Variants in SORCS1 observed in about 807,000 individuals in gnomAD.
SORCS1 encodes the protein sortilin related VPS10 domain containing receptor 1.
SORCS1 carries 60 observed loss-of-function variants against 146.1 expected under a neutral mutation model. That is an observed-to-expected ratio of 0.41 (90% CI 0.33 to 0.51). The LOEUF (loss-of-function observed/expected upper bound fraction) is 0.51, where lower values mean the gene tolerates loss of function less well. Ranked by LOEUF, SORCS1 falls within the 20% of genes least tolerant of loss-of-function variation. The pLI is 0.21. For missense variants in SORCS1, 1,352 were observed against 1,487.6 expected, an observed-to-expected ratio of 0.91 and a Z score of 1.50; for synonymous variants, 637 against 584.0, an observed-to-expected ratio of 1.09 and a Z score of -1.31.
intron 2 of SORCS1, among the ~76,000 whole-genome samples, chr10:106,888,519 T>C (rs988567899): frequency 1.4e-4 from 21 of 152,214 alleles, no homozygotes; most frequent in Non-Finnish European, 2.9e-4. Context: ...AATAAATATT[T>C]CTTGAATGAA....
At chr10:106,685,452 C>A (rs1405612461) in intron 10 of SORCS1, among the ~76,000 whole-genome samples, 1 of 151,848 alleles carries the variant, frequency 6.6e-6, no homozygotes, top group African/African-American at 2.4e-5. Context: ...ACAATAAGGA[C>A]CATGAAGAAA....
At chr10:107,165,998 G>T (rs2249182), upstream of SORCS1, among the ~76,000 whole-genome samples, 1 of 152,076 alleles carries the variant, frequency 6.6e-6, no homozygotes, top group Admixed American at 6.5e-5. This position sits in a 1 kb window ranked among gnomAD's most constrained non-coding sequence, Gnocchi z 4.0. Context: ...AACGGCAAAG[G>T]ATTTCTCAAA....
At chr10:106,692,748 T>C (rs1173372953) in intron 9 of SORCS1, among the ~76,000 whole-genome samples, 1 of 152,154 alleles carries the variant, frequency 6.6e-6, no homozygotes, top group Non-Finnish European at 1.5e-5. Flanking sequence ...TGGAATGTTT[T>C]AAGCACTGAC....
At chr10:106,965,634 A>G (rs1955461328) in intron 1 of SORCS1, among the ~76,000 whole-genome samples, 2 of 152,214 alleles carry the variant, frequency 1.3e-5, no homozygotes, top group Admixed American at 6.5e-5. Context: ...GAAGCTAAGT[A>G]AGTTAAATTA....
rs113021477 is a variant in SORCS1, at chr10:107,069,533, G to A, written c.558+94436C>T. Among the ~76,000 whole-genome samples, 1,342 of 151,952 alleles carry A rather than the reference G, an allele frequency of 8.8e-3. 39 individuals carry two copies. Among genetic ancestry groups the A allele is most frequent in the African/African-American group, 0.03 (1,257 of 41,402 alleles). ...TGGGATTACAGGCACCCACCACCAC[G>A]CCTGGCTAATTTTTGTATTTTTGGT... On this transcript the variant is annotated intron_variant, in intron 1 of 25. Transcript: ENST00000263054.
chr10:106,684,794 T>C (rs1341022649), intron 10 of SORCS1, among the ~76,000 whole-genome samples: 4 of 152,226 alleles, frequency 2.6e-5, no homozygotes, highest in African/African-American at 4.8e-5. Flanking sequence ...GAAATCACTT[T>C]TTATCTCATC....
chr10:106,650,748 A>G (rs1849801601), intron 18 of SORCS1, among the ~76,000 whole-genome samples: 1 of 152,170 alleles, frequency 6.6e-6, no homozygotes. Flanking sequence ...TCTCGAAAGG[A>G]AAATATAGCA....
At chr10:106,813,436 CA>C (rs1296480983) in intron 3 of SORCS1, among the ~76,000 whole-genome samples, 1 of 152,090 alleles carries the variant, frequency 6.6e-6, no homozygotes, top group African/African-American at 2.4e-5. Context: ...CCCGGCCTGA[CA>C]GGCGCATTTC....
At chr10:107,080,437 T>A (rs571252513) in intron 1 of SORCS1, among the ~76,000 whole-genome samples, 131 of 152,252 alleles carry the variant, frequency 8.6e-4, no homozygotes, top group Middle Eastern at 3.4e-3. Context: ...TTAAAGACAA[T>A]TTTTGTCCTC....
At chr10:107,161,383 T>TA (rs1969692377) in intron 1 of SORCS1, among the ~76,000 whole-genome samples, 1 of 152,154 alleles carries the variant, frequency 6.6e-6, no homozygotes, top group East Asian at 1.9e-4. Context: ...TGTGAAAAGA[T>TA]AAGAGTCCCC....
intron 10 of SORCS1, among the ~76,000 whole-genome samples, chr10:106,683,838 T>C (rs1852620089): frequency 6.6e-6 from 1 of 152,204 alleles, no homozygotes. Context: ...TCAAATTTAT[T>C]ACATCTTCAA....
chr10:106,824,382 G>A (rs1384637209), intron 3 of SORCS1, among the ~76,000 whole-genome samples: 1 of 151,788 alleles, frequency 6.6e-6, no homozygotes, highest in Non-Finnish European at 1.5e-5. Context: ...ATGAGGTCAG[G>A]AGTTCAAGAC....
chr10:106,913,824 A>C (rs763211990), intron 2 of SORCS1, among the ~76,000 whole-genome samples: 3 of 152,222 alleles, frequency 2.0e-5, no homozygotes, highest in Non-Finnish European at 4.4e-5. Context: ...GGAACTGGGC[A>C]TCTGAGGGAC....
intron 23 of SORCS1, among the ~76,000 whole-genome samples, chr10:106,603,905 G>T (rs1846402755): frequency 6.6e-6 from 1 of 152,108 alleles, no homozygotes; most frequent in Non-Finnish European, 1.5e-5. Flanking sequence ...GGTATAAAAC[G>T]TCTCAGTTGT....
chr10:106,611,876 G>C (rs770083775), intron 22 of SORCS1, 35 bp downstream of exon 22: 1 of 1,484,548 alleles, frequency 6.7e-7, no homozygotes, highest in Non-Finnish European at 9.4e-7. Flanking sequence ...GAGAGAAAAG[G>C]TACCCGGGCA....
At chr10:107,080,436 A>AC (rs1293351974) in intron 1 of SORCS1, among the ~76,000 whole-genome samples, 1 of 152,120 alleles carries the variant, frequency 6.6e-6, no homozygotes, top group African/African-American at 2.4e-5. Flanking sequence ...TTTAAAGACA[A>AC]TTTTTGTCCT....
At chr10:106,821,220 T>C (rs1948005891) in intron 3 of SORCS1, among the ~76,000 whole-genome samples, 1 of 152,214 alleles carries the variant, frequency 6.6e-6, no homozygotes, top group Non-Finnish European at 1.5e-5. Flanking sequence ...AGATCAATCT[T>C]CATAATATTT....
chr10:107,114,893 A>G (rs1452482902), intron 1 of SORCS1, among the ~76,000 whole-genome samples: 1 of 152,148 alleles, frequency 6.6e-6, no homozygotes, highest in African/African-American at 2.4e-5. Flanking sequence ...CTAATAAATA[A>G]ATTCAGTAAA....
intron 10 of SORCS1, among the ~76,000 whole-genome samples, chr10:106,686,010 G>A (rs1370662649): frequency 6.6e-6 from 1 of 152,150 alleles, no homozygotes; most frequent in Non-Finnish European, 1.5e-5. Context: ...CTTGATTGTA[G>A]CAATGGTTAT....
Sources: allele counts gnomAD v4.1 joint callset (sites outside exome capture counted in the v4.1 genomes callset), GRCh38; gene constraint gnomAD v4.1.1; non-coding constraint Gnocchi (gnomAD v3.1); transcripts MANE v1.5; gene names NCBI Gene and HGNC (gene_info 2026-07-23, HGNC 2026-07-21).